GPATCH2L: variants seen among roughly 807,000 people sequenced by gnomAD.
The protein encoded by GPATCH2L is G-patch domain containing 2 like, also known as G patch domain-containing protein 2-like.
A neutral mutation model predicts 57.4 loss-of-function variants in GPATCH2L; 31 were observed. The ratio of observed to expected loss-of-function variants is 0.54; its 90% confidence interval spans 0.41 to 0.73. The LOEUF (loss-of-function observed/expected upper bound fraction) is 0.73, where lower values mean the gene tolerates loss of function less well. Among genes scored for constraint, GPATCH2L ranks in the 30% least tolerant of loss-of-function variants. The pLI is 0.00. For synonymous variants in GPATCH2L, 199 were observed against 210.7 expected (o/e 0.94, Z 0.48); for missense variants, 481 against 599.9 (o/e 0.80, Z 2.07).
chr14:76,176,387 T>G, intron 5 of GPATCH2L: 1 of 554,878 alleles, frequency 1.8e-6, no homozygotes, highest in Non-Finnish European at 3.2e-6. Context: ...GTGTCTATGA[T>G]GTATTTATAA....
downstream of GPATCH2L, among the ~76,000 whole-genome samples, chr14:76,218,318 C>A (rs1432208400): frequency 6.6e-6 from 1 of 152,020 alleles, no homozygotes; most frequent in Admixed American, 6.6e-5. Flanking sequence ...CTAAAGAAGA[C>A]TAACCAGACC....
intron 2 of GPATCH2L, among the ~76,000 whole-genome samples, chr14:76,232,007 G>GCTCACTGCAGC (rs1330072327): frequency 8.9e-5 from 7 of 78,340 alleles, no homozygotes; most frequent in East Asian, 2.9e-4. Context: ...CTCACTGCAG[G>GCTCACTGCAGC]CTCAAGCAAT....
chr14:76,176,718 G>A, intron 6 of GPATCH2L, 28 bp downstream of exon 6: 1 of 1,467,922 alleles, frequency 6.8e-7, no homozygotes, highest in Non-Finnish European at 9.6e-7. Flanking sequence ...TACTGGCTGT[G>A]CTAGTCTGCT....
rs1362374390 is a variant in GPATCH2L at position 76,205,464 on chromosome 14, G to C, written c.*3613G>C. 6.6e-6 allele frequency: 1 copy of C among 152,142 alleles called. No individual in the cohort carries two copies. The highest frequency in any genetic ancestry group is 1.5e-5 in the Non-Finnish European group (1 of 68,018). The allele number at this position is 152,142 out of a possible 1,614,324, so 9.4% of individuals were successfully genotyped here. On this transcript the variant is annotated 3_prime_UTR_variant, in exon 10 of 10. Transcript: ENST00000261530. The stretch of plus-strand genomic sequence containing the variant: ...GGACATTGCTGGGCTATGAAATAGG[G>C]TACTAACAAGGCTATTTTTGTAGCA...
chr14:76,152,214 C>T (rs933408388), intron 1 of GPATCH2L, among the ~76,000 whole-genome samples: 1 of 152,170 alleles, frequency 6.6e-6, no homozygotes, highest in Non-Finnish European at 1.5e-5. Flanking sequence ...CCCCTTTCTT[C>T]TTTCTGCCTC....
intron 7 of GPATCH2L, chr14:76,178,335 T>C: frequency 9.1e-7 from 1 of 1,099,920 alleles, no homozygotes; most frequent in East Asian, 4.5e-5. Flanking sequence ...AGAGCTGCTT[T>C]GGGTGAAGTG....
intron 8 of GPATCH2L, 69 bp downstream of exon 8, chr14:76,180,918 T>TA: frequency 1.1e-6 from 1 of 915,964 alleles, no homozygotes; most frequent in South Asian, 1.3e-5. Flanking sequence ...ACCCCTCAAA[T>TA]TATAGAGTAT....
chr14:76,192,672 A>G (rs2040017704), intron 8 of GPATCH2L, among the ~76,000 whole-genome samples: 1 of 152,194 alleles, frequency 6.6e-6, no homozygotes, highest in Non-Finnish European at 1.5e-5. Flanking sequence ...AGTGTTTAGT[A>G]CAGTGCTTGG....
chr14:76,196,880 G>T (rs2040170472), intron 9 of GPATCH2L, among the ~76,000 whole-genome samples: 1 of 152,040 alleles, frequency 6.6e-6, no homozygotes, highest in South Asian at 2.1e-4. Context: ...CTGTGAAATT[G>T]TCCTCTTTGT....
intron 8 of GPATCH2L, among the ~76,000 whole-genome samples, chr14:76,181,531 C>A (rs550834790): frequency 1.2e-3 from 178 of 151,962 alleles, no homozygotes; most frequent in Admixed American, 3.5e-3. Flanking sequence ...TAATTTTTTT[C>A]TTTTTCACTT....
intron 1 of GPATCH2L, among the ~76,000 whole-genome samples, chr14:76,152,289 C>T (rs1468297940): frequency 1.3e-5 from 2 of 150,638 alleles, no homozygotes; most frequent in Non-Finnish European, 3.0e-5. Context: ...CCCTCAGGGA[C>T]GGGCCGGGGC....
At chr14:76,165,044 C>A (rs1386869688) in intron 2 of GPATCH2L, among the ~76,000 whole-genome samples, 1 of 152,146 alleles carries the variant, frequency 6.6e-6, no homozygotes, top group Non-Finnish European at 1.5e-5. Context: ...GCCTTTGGAG[C>A]TGCAGGTTAA....
rs2038234022 is a variant in GPATCH2L, at chr14:76,154,932, A to G, written c.569A>G (p.Asn190Ser). The change falls in exon 2 of 10, where the codon AAT (asparagine) becomes AGT (serine). Residue 190 changes from asparagine (N) to serine (S), a missense_variant. Physicochemically the swap from Asn to Ser is conservative, Grantham distance 46. Transcript: ENST00000261530. The surrounding 1 kb of genome is among the most constrained non-coding windows in gnomAD (Gnocchi z 4.4). ...CACGGATTGTGTGAATCAGCAGAAA[A>G]TAGGACTTTCCTAAGCAAAACAGGA... ...SGHGLCESAE[N>S]RTFLSKTGRK... The G allele has an allele frequency of 6.2e-7, 1 of 1,614,088 alleles. No individual in the cohort carries two copies. The highest frequency in any genetic ancestry group is 1.1e-5 in the South Asian group (1 of 91,092).
chr14:76,177,651 T>C (rs1409282187), intron 6 of GPATCH2L, among the ~76,000 whole-genome samples: 1 of 152,038 alleles, frequency 6.6e-6, no homozygotes, highest in Non-Finnish European at 1.5e-5. Context: ...TTATTTCTGT[T>C]GTTCAGTCTT....
chr14:76,165,461 C>T (rs1219569903), intron 2 of GPATCH2L, among the ~76,000 whole-genome samples: 1 of 148,884 alleles, frequency 6.7e-6, no homozygotes, highest in Non-Finnish European at 1.5e-5. Context: ...CACAGCACTC[C>T]AGCCTGGGCA....
chr14:76,183,803 G>C (rs1006833141), intron 8 of GPATCH2L, among the ~76,000 whole-genome samples: 13 of 152,160 alleles, frequency 8.5e-5, no homozygotes, highest in Non-Finnish European at 1.5e-5. Context: ...ATTCAGAACT[G>C]GGCAGTAGGC....
Position 76,163,254 on chromosome 14 carries a change from TG to T in GPATCH2L, c.663-3404del, listed in dbSNP as rs2038680799. Among the ~76,000 whole-genome samples the T allele has an allele frequency of 5.3e-5, 8 of 152,312 alleles. No homozygotes were observed. In the South Asian group the frequency reaches 1.7e-3, roughly 32 times the overall value. ...GTTGATGTATTCACCTTGTGGAGTT[TG>T]GGGGTAGAAGCAGCATAATAATTAA... is the stretch of plus-strand genomic sequence containing the variant. On this transcript the variant is annotated intron_variant, in intron 2 of 9. Coordinates refer to ENST00000261530, the MANE Select transcript of GPATCH2L (RefSeq NM_017926.4).
chr14:76,168,629 A>G (rs964117105), intron 3 of GPATCH2L, among the ~76,000 whole-genome samples: 18 of 152,236 alleles, frequency 1.2e-4, no homozygotes, highest in African/African-American at 3.9e-4. Context: ...CCAGGTGACC[A>G]GGCTAGACCA....
Position 76,206,326 on chromosome 14 carries a change from A to G in GPATCH2L, c.*4475A>G, listed in dbSNP as rs1397831111. The G allele has an allele frequency of 6.6e-6, 1 of 152,258 alleles. No individual in the cohort carries two copies. The highest frequency in any genetic ancestry group is 1.5e-5 in the Non-Finnish European group (1 of 68,088). The allele number at this position is 152,258 out of a possible 1,614,324, so 9.4% of individuals were successfully genotyped here. On this transcript the variant is annotated 3_prime_UTR_variant, in exon 10 of 10. Coordinates refer to ENST00000261530, the MANE Select transcript of GPATCH2L (RefSeq NM_017926.4). ...CTGTGTTAACGTCTCCAAAAGATGA[A>G]CATCAAATGCCCGGAAACAGCAACA...
Sources: allele counts gnomAD v4.1 joint callset (sites outside exome capture counted in the v4.1 genomes callset), GRCh38; gene constraint gnomAD v4.1.1; non-coding constraint Gnocchi (gnomAD v3.1); transcripts MANE v1.5; gene names NCBI Gene and HGNC (gene_info 2026-07-23, HGNC 2026-07-21).